CUEDC1: variants seen among roughly 807,000 people sequenced by gnomAD.
CUEDC1 encodes CUE domain containing 1.
In CUEDC1, 30 loss-of-function variants were observed where a neutral mutation model predicts 43.7. The ratio of observed to expected loss-of-function variants is 0.69; its 90% CI spans 0.51 to 0.93. CUEDC1 has a LOEUF of 0.93. Ranked by LOEUF, CUEDC1 falls within the 40% of genes least tolerant of loss-of-function variation. CUEDC1 has a pLI of 0.00. For synonymous variants in CUEDC1, 223 were observed against 223.6 expected (o/e 1.00, Z 0.02); for missense variants, 486 against 549.0 (o/e 0.89, Z 1.15).
rs1328747622 is a variant in CUEDC1, at chr17:57,879,472, A to G, written c.464+139T>C. 4 of 1,192,202 alleles carry G rather than the reference A, an allele frequency of 3.4e-6. No individual in the cohort carries two copies. In the African/African-American group the frequency reaches 6.5e-5, roughly 19 times the overall value. 73.9% of individuals were successfully genotyped at this position (1,192,202 alleles called of 1,614,324 possible). On this transcript the variant is annotated intron_variant, in intron 3 of 10. Coordinates refer to ENST00000577830, the MANE Select transcript of CUEDC1 (RefSeq NM_001271875.2). ...CAAGTTCTCCTTGGTATCTAGCTAA[A>G]ATGTCTCTTGCTGCAGTAGAAGCCT...
In CUEDC1 at chr17:57,885,480, C is replaced by T; in HGVS notation, c.85G>A (p.Ala29Thr). The T allele has an allele frequency of 2.6e-6, 4 of 1,567,654 alleles. No individual in the cohort carries two copies. The highest frequency in any genetic ancestry group is 1.7e-4 in the Middle Eastern group (1 of 5,822). Residue 29 changes from alanine (A) to threonine (T), a missense_variant, in exon 2 of 11, where the codon GCC becomes ACC. Ala to Thr is a moderately conservative substitution (Grantham distance 58). Coordinates refer to ENST00000577830, the MANE Select transcript of CUEDC1 (RefSeq NM_001271875.2). The part of the protein sequence containing the change: ...GARGGGGGTA[A>T]PQELNNSRPA... ...CGGCTGTTGTTGAGCTCCTGGGGGG[C>T]GGCCGTGCCTCCCCCGCCCCCGCGT... is the stretch of plus-strand genomic sequence containing the variant.
chr17:57,906,544 G>A (rs1462745864), intron 1 of CUEDC1, among the ~76,000 whole-genome samples: 1 of 152,192 alleles, frequency 6.6e-6, no homozygotes, highest in African/African-American at 2.4e-5. Flanking sequence ...TAGTGGTGAT[G>A]GTGGCACAAT....
intron 5 of CUEDC1, among the ~76,000 whole-genome samples, chr17:57,872,091 G>A (rs776908389): frequency 2.6e-4 from 40 of 152,146 alleles, no homozygotes; most frequent in Admixed American, 9.2e-4. Context: ...GCCGTCACAG[G>A]GACAGAGCTC....
intron 1 of CUEDC1, among the ~76,000 whole-genome samples, chr17:57,896,658 C>A (rs1032487218): frequency 6.6e-6 from 1 of 151,124 alleles, no homozygotes; most frequent in African/African-American, 2.4e-5. Flanking sequence ...TTGATTGATA[C>A]TCATTTATTA....
In CUEDC1 at chr17:57,872,805, G is replaced by A; in HGVS notation, c.642C>T (p.Ala214=). Residue 214 remains alanine (A), a synonymous_variant, in exon 5 of 11, where the codon GCC becomes GCT. Coordinates refer to ENST00000577830, the MANE Select transcript of CUEDC1 (RefSeq NM_001271875.2). ...GGTCTCCGGGCCCTGGCCCAGCCAT[G>A]GCAGGTGGACATCCCTCTCCACTCC... is the stretch of plus-strand genomic sequence containing the variant. The part of the protein sequence containing the change: ...KPGSGEGCPP[A]MAGPGPGDQE... 1 of 1,614,178 alleles carries A rather than the reference G, an allele frequency of 6.2e-7. No individual in the cohort carries two copies. Among genetic ancestry groups the A allele is most frequent in the Non-Finnish European group, 8.5e-7 (1 of 1,180,016 alleles).
intron 2 of CUEDC1, among the ~76,000 whole-genome samples, chr17:57,883,119 C>A (rs1193710802): frequency 6.6e-6 from 1 of 152,150 alleles, no homozygotes; most frequent in Non-Finnish European, 1.5e-5. Flanking sequence ...CCTTCCACCA[C>A]CTACTCCAAG....
intron 1 of CUEDC1, among the ~76,000 whole-genome samples, chr17:57,924,864 A>G (rs911242070): frequency 1.3e-5 from 2 of 152,202 alleles, no homozygotes; most frequent in African/African-American, 2.4e-5. Context: ...GAGAACCCAA[A>G]CAAATGGCTC....
chr17:57,884,293 G>A (rs1255032944), intron 2 of CUEDC1, among the ~76,000 whole-genome samples: 1 of 145,322 alleles, frequency 6.9e-6, no homozygotes, highest in Non-Finnish European at 1.5e-5. Context: ...TGCCTCCCGG[G>A]TTCAGGCGAT....
At chr17:57,925,691 G>A (rs930054583) in intron 1 of CUEDC1, among the ~76,000 whole-genome samples, 3 of 152,152 alleles carry the variant, frequency 2.0e-5, no homozygotes, top group African/African-American at 4.8e-5. Flanking sequence ...CACCATCTGG[G>A]GCACAGGAGC....
chr17:57,873,273 T>C (rs1284940297), intron 4 of CUEDC1, among the ~76,000 whole-genome samples: 1 of 152,076 alleles, frequency 6.6e-6, no homozygotes, highest in Non-Finnish European at 1.5e-5. Flanking sequence ...TCTGGCCCTT[T>C]CCCAAGGGAG....
At chr17:57,893,374 T>TGTGTGTGTGTGTGTGTGTGTGTGTG (rs397762963) in intron 1 of CUEDC1, among the ~76,000 whole-genome samples, 40 of 151,814 alleles carry the variant, frequency 2.6e-4, no homozygotes, top group Non-Finnish European at 3.7e-4. Flanking sequence ...TGTGTGTGTG[T>TGTGTGTGTGTGTGTGTGTGTGTGTG]TTCAGGCAGC....
chr17:57,871,410 C>T (rs758483548), intron 5 of CUEDC1, 41 bp from the exon 6 acceptor site: 1 of 1,566,596 alleles, frequency 6.4e-7, no homozygotes, highest in Non-Finnish European at 8.8e-7. Flanking sequence ...AGGTTAGCTC[C>T]TGGGCTCCCA....
At chr17:57,877,634 C>G (rs555242931) in intron 3 of CUEDC1, among the ~76,000 whole-genome samples, 1 of 150,652 alleles carries the variant, frequency 6.6e-6, no homozygotes, top group Non-Finnish European at 1.5e-5. Flanking sequence ...TATCTGCAAT[C>G]CCAGCACTTT....
At chr17:57,880,506 T>C (rs2074189115) in intron 2 of CUEDC1, among the ~76,000 whole-genome samples, 1 of 152,172 alleles carries the variant, frequency 6.6e-6, no homozygotes, top group Admixed American at 6.6e-5. Context: ...CCGGGATGCC[T>C]GCTCTCCTTC....
At chr17:57,883,079 C>CT (rs1195374095) in intron 2 of CUEDC1, among the ~76,000 whole-genome samples, 15 of 152,274 alleles carry the variant, frequency 9.9e-5, no homozygotes, top group African/African-American at 3.4e-4. Flanking sequence ...CTCCTTCTTT[C>CT]TACAAAGAGG....
intron 1 of CUEDC1, among the ~76,000 whole-genome samples, chr17:57,910,816 A>G (rs1212374540): frequency 1.3e-5 from 2 of 152,134 alleles, no homozygotes; most frequent in African/African-American, 4.8e-5. Flanking sequence ...TCTTTAAAAC[A>G]TTTCAAAGAA....
intron 1 of CUEDC1, among the ~76,000 whole-genome samples, chr17:57,917,074 G>A (rs889576712): frequency 1.3e-5 from 2 of 152,212 alleles, no homozygotes; most frequent in Admixed American, 6.5e-5. Context: ...CCATCCAATA[G>A]GGAGGACATG....
At chr17:57,873,236 C>A (rs1202285530) in intron 4 of CUEDC1, among the ~76,000 whole-genome samples, 2 of 152,200 alleles carry the variant, frequency 1.3e-5, no homozygotes, top group Non-Finnish European at 2.9e-5. Context: ...CACCTTGGGG[C>A]ATGCCAACAT....
chr17:57,896,487 G>GGGGGGGGGGGT (rs375270781), intron 1 of CUEDC1, among the ~76,000 whole-genome samples: 4 of 130,370 alleles, frequency 3.1e-5, no homozygotes, highest in African/African-American at 3.3e-5. Context: ...TGCATTATGG[G>GGGGGGGGGGGT]GTGTGTGTGT....
Sources: allele counts gnomAD v4.1 joint callset (sites outside exome capture counted in the v4.1 genomes callset), GRCh38; gene constraint gnomAD v4.1.1; transcripts MANE v1.5; gene names NCBI Gene and HGNC (gene_info 2026-07-23, HGNC 2026-07-21).